ARHGAP26: variants seen among roughly 807,000 people sequenced by gnomAD.
The protein encoded by ARHGAP26 is rho GTPase-activating protein 26.
In ARHGAP26, 38 loss-of-function variants were observed where a neutral mutation model predicts 104.8. That is an observed-to-expected ratio of 0.36 (90% CI 0.28 to 0.48). ARHGAP26 has a LOEUF of 0.48. ARHGAP26 is among the 20% of genes least tolerant of loss of function. The pLI, the probability that ARHGAP26 is intolerant of heterozygous loss-of-function variation, is 0.99. For missense variants in ARHGAP26, 704 were observed against 947.9 expected (o/e 0.74, Z 3.38); for synonymous variants, 341 against 340.0 (o/e 1.00, Z -0.03).
intron 17 of ARHGAP26, among the ~76,000 whole-genome samples, chr5:143,071,499 T>C (rs1052357585): frequency 7.7e-4 from 117 of 152,188 alleles, no homozygotes; most frequent in Non-Finnish European, 1.4e-3. Flanking sequence ...AAGTCCTCAA[T>C]GTAGGACCCA....
At chr5:142,988,527 T>C (rs887540065) in intron 11 of ARHGAP26, among the ~76,000 whole-genome samples, 3 of 152,324 alleles carry the variant, frequency 2.0e-5, no homozygotes, top group African/African-American at 7.2e-5. Context: ...TCTTGCCTTC[T>C]GCTAGCTTTT....
chr5:142,925,259 T>C (rs1368293492), intron 10 of ARHGAP26, among the ~76,000 whole-genome samples: 2 of 152,220 alleles, frequency 1.3e-5, no homozygotes, highest in African/African-American at 2.4e-5. Context: ...TTTTTTGCTT[T>C]GCACTTGCAC....
chr5:143,103,671 A>G (rs1793585950), intron 17 of ARHGAP26, among the ~76,000 whole-genome samples: 1 of 152,232 alleles, frequency 6.6e-6, no homozygotes, highest in Admixed American at 6.5e-5. Context: ...GCTGGAAACC[A>G]TTCTCAGCAA....
intron 11 of ARHGAP26, among the ~76,000 whole-genome samples, chr5:142,981,875 C>T (rs1773985345): frequency 6.6e-6 from 1 of 152,202 alleles, no homozygotes; most frequent in South Asian, 2.1e-4. Context: ...AAGTTCCCGA[C>T]TCAGTGAAAG....
At chr5:142,941,451 C>T (rs756769635) in intron 11 of ARHGAP26, among the ~76,000 whole-genome samples, 13 of 152,074 alleles carry the variant, frequency 8.5e-5, no homozygotes, top group Admixed American at 2.0e-4. Flanking sequence ...TCTGTTTCCC[C>T]GTCTCCCATG....
intron 1 of ARHGAP26, among the ~76,000 whole-genome samples, chr5:142,853,373 T>C (rs951879631): frequency 2.6e-5 from 4 of 152,046 alleles, no homozygotes; most frequent in Non-Finnish European, 5.9e-5. Context: ...GTATTTTTAA[T>C]AGAGATGAGG....
At chr5:143,160,680 T>C (rs1801119776) in intron 20 of ARHGAP26, among the ~76,000 whole-genome samples, 1 of 151,942 alleles carries the variant, frequency 6.6e-6, no homozygotes, top group Non-Finnish European at 1.5e-5. Flanking sequence ...AGATGGGGTC[T>C]TGCTATGTCG....
At chr5:142,982,410 C>G (rs970019298) in intron 11 of ARHGAP26, among the ~76,000 whole-genome samples, 1 of 152,216 alleles carries the variant, frequency 6.6e-6, no homozygotes, top group African/African-American at 2.4e-5. Context: ...GCTGGCTTCC[C>G]TCTGGGGCAG....
At chr5:142,807,871 T>C (rs1299735133) in intron 1 of ARHGAP26, among the ~76,000 whole-genome samples, 1 of 152,228 alleles carries the variant, frequency 6.6e-6, no homozygotes, top group Non-Finnish European at 1.5e-5. Context: ...TAATGCTGTG[T>C]CATCTCTTAG....
At chr5:142,914,044 G>A (rs926567864) in intron 10 of ARHGAP26, among the ~76,000 whole-genome samples, 3 of 152,166 alleles carry the variant, frequency 2.0e-5, no homozygotes, top group African/African-American at 7.2e-5. Flanking sequence ...ATCTCAGCAT[G>A]ATACTCCGTA....
chr5:142,894,196 G>T (rs765721153), intron 5 of ARHGAP26, 42 bp from the exon 6 acceptor site: 3 of 1,551,166 alleles, frequency 1.9e-6, no homozygotes, highest in Non-Finnish European at 2.7e-6. Context: ...CTATCCTTGG[G>T]TAGTGACTTG....
intron 1 of ARHGAP26, among the ~76,000 whole-genome samples, chr5:142,869,330 C>A (rs912576704): frequency 6.6e-6 from 1 of 151,758 alleles, no homozygotes; most frequent in African/African-American, 2.4e-5. Flanking sequence ...CCTCAGCCTC[C>A]CTGAGTAGCT....
intron 11 of ARHGAP26, chr5:142,969,439 A>T (rs947335422): frequency 1.3e-5 from 2 of 152,190 alleles, no homozygotes; most frequent in Non-Finnish European, 2.9e-5. Context: ...ATCAGTCCCA[A>T]TGGAGACAGT....
At chr5:143,036,912 G>GT (rs1179405388) in intron 12 of ARHGAP26, among the ~76,000 whole-genome samples, 2 of 152,180 alleles carry the variant, frequency 1.3e-5, no homozygotes, top group South Asian at 4.1e-4. Flanking sequence ...TTCTTCACCT[G>GT]TAAATTGAAG....
At chr5:143,048,108 C>G (rs995178480) in intron 14 of ARHGAP26, among the ~76,000 whole-genome samples, 1 of 152,162 alleles carries the variant, frequency 6.6e-6, no homozygotes, top group Non-Finnish European at 1.5e-5. Context: ...CTTGGCCTCC[C>G]AAAGTGCTGG....
intron 17 of ARHGAP26, among the ~76,000 whole-genome samples, chr5:143,076,837 G>A (rs773927762): frequency 1.8e-4 from 28 of 152,170 alleles, no homozygotes; most frequent in Non-Finnish European, 3.5e-4. Context: ...TAAATGCTGT[G>A]TAAATATGCC....
At chr5:143,078,715 A>G (rs1441710076) in intron 17 of ARHGAP26, among the ~76,000 whole-genome samples, 1 of 152,246 alleles carries the variant, frequency 6.6e-6, no homozygotes, top group Non-Finnish European at 1.5e-5. Context: ...CAAGAGGCAG[A>G]TATTCAGACA....
At chr5:142,929,775 A>G (rs193200032) in intron 10 of ARHGAP26, among the ~76,000 whole-genome samples, 345 of 152,316 alleles carry the variant, frequency 2.3e-3, no homozygotes, top group African/African-American at 8.0e-3. Flanking sequence ...GATGTAATAT[A>G]TGTGAGCCCC....
In ARHGAP26 at chr5:142,775,626, A is replaced by G. The variant is rs867239740; in HGVS notation, c.154+4711A>G. On this transcript the variant is annotated intron_variant, in intron 1 of 22. Transcript: ENST00000645722. ...ACTGGAACTCTGTTCCCATTAAACA[A>G]TAACTCCCCACTTTCCCCTCCCCCA... Among the ~76,000 whole-genome samples the G allele has an allele frequency of 3.9e-5, 6 of 152,250 alleles. 1 individual carries two copies. The Middle Eastern group carries it at 0.01, about 259-fold the overall frequency.
Sources: allele counts gnomAD v4.1 joint callset (sites outside exome capture counted in the v4.1 genomes callset), GRCh38; gene constraint gnomAD v4.1.1; transcripts MANE v1.5; gene names NCBI Gene and HGNC (gene_info 2026-07-23, HGNC 2026-07-21).